Variants in ATG16L1 observed in about 807,000 individuals in gnomAD.
The protein encoded by ATG16L1 is autophagy related 16 like 1, also known as autophagy-related protein 16-1.
ATG16L1 carries 37 observed loss-of-function variants against 88.5 expected under a neutral mutation model. The ratio of observed to expected loss-of-function variants is 0.42; its 90% CI spans 0.32 to 0.55. ATG16L1 has a LOEUF of 0.55. Ranked by LOEUF, ATG16L1 falls within the 20% of genes least tolerant of loss-of-function variation. The probability of loss-of-function intolerance (pLI) is 0.13; values close to 1 mark genes in which losing one functional copy is unlikely to be tolerated. For missense variants in ATG16L1, 554 were observed against 752.8 expected (o/e 0.74, Z 3.09); for synonymous variants, 301 against 281.0 (o/e 1.07, Z -0.71).
At chr2:233,279,993 A>G (rs565116492) in intron 10 of ATG16L1, among the ~76,000 whole-genome samples, 3 of 152,238 alleles carry the variant, frequency 2.0e-5, no homozygotes, top group African/African-American at 7.2e-5. Flanking sequence ...ATCTTAGCGA[A>G]TATTAGCCTT....
At chr2:233,284,712 C>T (rs928732186) in intron 12 of ATG16L1, among the ~76,000 whole-genome samples, 1 of 152,194 alleles carries the variant, frequency 6.6e-6, no homozygotes, top group East Asian at 1.9e-4. Context: ...TCAAGTGATC[C>T]GTCTGCCTCG....
intron 10 of ATG16L1, 132 bp downstream of exon 10, chr2:233,277,805 C>G: frequency 1.4e-6 from 1 of 735,048 alleles, no homozygotes; most frequent in Non-Finnish European, 2.3e-6. Flanking sequence ...TTTCTCAAAA[C>G]ATACATTTTA....
At chr2:233,287,136 T>C (rs1041277375) in intron 12 of ATG16L1, among the ~76,000 whole-genome samples, 5 of 152,148 alleles carry the variant, frequency 3.3e-5, no homozygotes, top group African/African-American at 1.2e-4. Context: ...TTGATCCCAT[T>C]CATCTTGCTG....
chr2:233,272,633 CCCT>C (rs1435376700), intron 6 of ATG16L1, among the ~76,000 whole-genome samples: 1 of 152,194 alleles, frequency 6.6e-6, no homozygotes, highest in African/African-American at 2.4e-5. Context: ...TGATGGAATG[CCCT>C]ACTTTGGCAC....
At chr2:233,293,113 T>C in intron 16 of ATG16L1, 143 bp from the exon 17 acceptor site, 1 of 722,312 alleles carries the variant, frequency 1.4e-6, no homozygotes, top group Non-Finnish European at 2.4e-6. Context: ...GGAAGGGCCA[T>C]GACTAGCACA....
At chr2:233,265,280 C>G in intron 5 of ATG16L1, 137 bp downstream of exon 5, 1 of 1,103,086 alleles carries the variant, frequency 9.1e-7, no homozygotes, top group Non-Finnish European at 1.3e-6. Flanking sequence ...AGGAGAAAAG[C>G]TAATTCTGAA....
chr2:233,274,709 G>A lies in ATG16L1; in HGVS notation c.885G>A (p.Gln295=). 1 of 1,612,068 alleles carries A rather than the reference G, an allele frequency of 6.2e-7. No individual in the cohort carries two copies. Among genetic ancestry groups the A allele is most frequent in the Non-Finnish European group, 8.5e-7 (1 of 1,178,316 alleles). ...RRSVSSFPVP[Q]DNVDTHPGSG... ...CTGTCTCTTCCTTCCCAGTCCCCCAGGACAATGTGGATACTCATCCTGGTT... is the reference window on the plus strand; with the variant it reads ...CTGTCTCTTCCTTCCCAGTCCCCCAAGACAATGTGGATACTCATCCTGGTT... The change falls in exon 9 of 18, where the codon CAG becomes CAA. Residue 295 remains glutamine (Q), a synonymous_variant. Transcript: ENST00000392017.
In ATG16L1 at chr2:233,292,292, G is replaced by C. The variant is rs772166135; in HGVS notation, c.1580+15G>C. The C allele has an allele frequency of 1.9e-6, 3 of 1,614,124 alleles. No individual in the cohort carries two copies. In the South Asian group the frequency reaches 3.3e-5, roughly 18 times the overall value. ...CAGACATTCAGGTAACTGAAGATGTGCTGGTTGCATGAAGACCAGAGGCCC... is the reference window on the plus strand; with the variant it reads ...CAGACATTCAGGTAACTGAAGATGTCCTGGTTGCATGAAGACCAGAGGCCC... On this transcript the variant is annotated intron_variant, in intron 15 of 17. Coordinates refer to ENST00000392017, the MANE Select transcript of ATG16L1 (RefSeq NM_030803.7).
At chr2:233,281,001 T>C in intron 10 of ATG16L1, 104 bp from the exon 11 acceptor site, 1 of 672,844 alleles carries the variant, frequency 1.5e-6, no homozygotes, top group African/African-American at 1.8e-5. Context: ...ATAGCTATTG[T>C]TTTAGCAGTG....
intron 5 of ATG16L1, among the ~76,000 whole-genome samples, chr2:233,267,273 C>T (rs773702232): frequency 5.9e-5 from 9 of 152,180 alleles, no homozygotes; most frequent in Non-Finnish European, 1.2e-4. Context: ...CGCTTGAACC[C>T]GGGAGGTGGA....
Position 233,253,332 on chromosome 2 carries a change from G to GTTTTTTTTTTTTTT in ATG16L1, c.115+1397_115+1398insTTTTTTTTTTTTTT, listed in dbSNP as rs570754671. 7.1e-5 allele frequency among the ~76,000 whole-genome samples: 8 copies of GTTTTTTTTTTTTTT among 112,890 alleles called. 2 individuals carry two copies. Among genetic ancestry groups the GTTTTTTTTTTTTTT allele is most frequent in the Admixed American group, 1.0e-4 (1 of 9,952 alleles). The allele number at this position is 112,890 out of a possible 152,430, so 74.1% of individuals were successfully genotyped here. A position where few individuals can be genotyped will look rare whatever the true frequency, so the allele number is the denominator to read the frequency against. The stretch of plus-strand genomic sequence containing the variant: ...CACAGCAGGTTAATGGTGAGACTGG[G>GTTTTTTTTTTTTTT]TTTTTTTGTTTTTTTTTTTTTTTTT... On this transcript the variant is annotated intron_variant, in intron 1 of 17. Transcript: ENST00000392017.
At chr2:233,281,476 C>A (rs1349411692) in intron 11 of ATG16L1, among the ~76,000 whole-genome samples, 1 of 151,976 alleles carries the variant, frequency 6.6e-6, no homozygotes, top group South Asian at 2.1e-4. Context: ...TGGTCTCTAC[C>A]CTCCGAGATT....
chr2:233,287,873 T>C (rs6431259), intron 12 of ATG16L1, among the ~76,000 whole-genome samples: 102,061 of 152,152 alleles, frequency 0.67, 34,486 homozygotes, highest in South Asian at 0.78. Flanking sequence ...AGTGAAACTC[T>C]GTCTCAAAAA....
In ATG16L1 at chr2:233,273,052, C is replaced by T. The variant is rs763766714; in HGVS notation, c.794C>T (p.Thr265Ile). The part of the protein sequence containing the change: ...SPVRAISRAA[T>I]KRLSQPAGGL... ...GTGCGAGCCATCAGCAGAGCAGCCA[C>T]GTAAGTAGGCAGGTTTGGGCCAGGG... The change falls in exon 7 of 18, where the codon ACT becomes ATT. Residue 265 changes from threonine to isoleucine, a missense_variant and splice_region_variant. Physicochemically the swap from Thr to Ile is moderately conservative, Grantham distance 89 (BLOSUM62 -1). Transcript: ENST00000392017. The T allele has an allele frequency of 6.8e-6, 11 of 1,613,534 alleles. No individual in the cohort carries two copies. The highest frequency in any genetic ancestry group is 2.2e-5 in the East Asian group (1 of 44,892).
chr2:233,257,376 T>C (rs1010671665), intron 2 of ATG16L1, among the ~76,000 whole-genome samples: 2 of 152,206 alleles, frequency 1.3e-5, no homozygotes, highest in African/African-American at 4.8e-5. Context: ...CGATACACTT[T>C]CAGTAGGACT....
At chr2:233,280,549 C>T (rs2125268725) in intron 10 of ATG16L1, among the ~76,000 whole-genome samples, 1 of 152,238 alleles carries the variant, frequency 6.6e-6, no homozygotes, top group Admixed American at 6.5e-5. Flanking sequence ...GGGCAAATTC[C>T]AGAAACTCCA....
intron 12 of ATG16L1, among the ~76,000 whole-genome samples, chr2:233,285,243 T>C (rs549004835): frequency 1.1e-4 from 17 of 151,622 alleles, no homozygotes; most frequent in African/African-American, 4.1e-4. Flanking sequence ...TGACCAATTA[T>C]TGAAGAGGGG....
chr2:233,266,564 A>G (rs1202190128), intron 5 of ATG16L1, among the ~76,000 whole-genome samples: 3 of 152,250 alleles, frequency 2.0e-5, no homozygotes, highest in Admixed American at 6.5e-5. Flanking sequence ...AAAAGTGAAT[A>G]AATGACAATA....
intron 2 of ATG16L1, among the ~76,000 whole-genome samples, chr2:233,256,672 C>T (rs568094112): frequency 2.7e-5 from 4 of 149,698 alleles, no homozygotes; most frequent in East Asian, 3.9e-4. Context: ...TGCAGTGGTT[C>T]GACTTATAAT....
Sources: allele counts gnomAD v4.1 joint callset (sites outside exome capture counted in the v4.1 genomes callset), GRCh38; gene constraint gnomAD v4.1.1; transcripts MANE v1.5; gene names NCBI Gene and HGNC (gene_info 2026-07-23, HGNC 2026-07-21).